CPD: variants seen among roughly 807,000 people sequenced by gnomAD.
CPD encodes the protein carboxypeptidase D, also known as metallocarboxypeptidase D.
A neutral mutation model predicts 138.3 loss-of-function variants in CPD; 69 were observed. That is an observed-to-expected ratio of 0.50 (90% CI 0.41 to 0.61). CPD has a LOEUF of 0.61. Ranked by LOEUF, CPD falls within the 20% of genes least tolerant of loss-of-function variation. The pLI, the probability that CPD is intolerant of heterozygous loss-of-function variation, is 0.00. For synonymous variants in CPD, 651 were observed against 642.1 expected (o/e 1.01, Z -0.21); for missense variants, 1,432 against 1,733.3 (o/e 0.83, Z 3.09).
chr17:30,389,217 C>G (rs1224134532), intron 2 of CPD, among the ~76,000 whole-genome samples: 1 of 152,166 alleles, frequency 6.6e-6, no homozygotes, highest in African/African-American at 2.4e-5. Flanking sequence ...CCTTCCCGCA[C>G]CTTCCGGCCT....
At chr17:30,450,191 G>A (rs1913131017) in intron 13 of CPD, 3 of 148,394 alleles carry the variant, frequency 2.0e-5, no homozygotes, top group Admixed American at 2.0e-4. Flanking sequence ...TGAGTAGCTG[G>A]GACTACAGAT....
Position 30,378,945 on chromosome 17 carries a change from C to T in CPD, c.-36C>T, listed in dbSNP as rs1910958423. 1.4e-6 allele frequency: 2 copies of T among 1,423,036 alleles called. No homozygotes were observed. The highest frequency in any genetic ancestry group is 1.5e-5 in the South Asian group (1 of 66,174). The allele number at this position is 1,423,036 out of a possible 1,614,324, so 88.2% of individuals were successfully genotyped here. On this transcript the variant is annotated 5_prime_UTR_variant, in exon 1 of 21. Coordinates refer to ENST00000225719, the MANE Select transcript of CPD (RefSeq NM_001304.5). ...CCCCGCCGCCCGGAGCGCTGAGCCGCGGGAGCGGAGCCGGGGTTAGCGGCG... is the reference window on the plus strand; with the variant it reads ...CCCCGCCGCCCGGAGCGCTGAGCCGTGGGAGCGGAGCCGGGGTTAGCGGCG...
chr17:30,438,639 A>G (rs986206703), intron 8 of CPD, among the ~76,000 whole-genome samples: 1 of 152,218 alleles, frequency 6.6e-6, no homozygotes, highest in Non-Finnish European at 1.5e-5. Flanking sequence ...GCATGAAACG[A>G]AAGTATAAAT....
At chr17:30,421,596 C>T in intron 3 of CPD, 68 bp from the exon 4 acceptor site, 2 of 1,378,588 alleles carry the variant, frequency 1.5e-6, no homozygotes. Context: ...AGTATCGGTG[C>T]AGAGAGAAAT....
chr17:30,394,235 G>A (rs1056258507), intron 2 of CPD, among the ~76,000 whole-genome samples: 1 of 148,794 alleles, frequency 6.7e-6, no homozygotes, highest in Non-Finnish European at 1.5e-5. Context: ...TCTTAGCATG[G>A]GAGCGAAGAT....
chr17:30,463,446 A>G (rs2143516775), intron 20 of CPD, among the ~76,000 whole-genome samples: 1 of 152,364 alleles, frequency 6.6e-6, no homozygotes, highest in South Asian at 2.1e-4. Context: ...TTTGCTTTAT[A>G]TTAAAGTCAT....
intron 2 of CPD, among the ~76,000 whole-genome samples, chr17:30,400,434 A>G (rs983707678): frequency 3.3e-5 from 5 of 152,030 alleles, no homozygotes; most frequent in African/African-American, 9.7e-5. Flanking sequence ...TTTACTTTCA[A>G]CTGTCATACA....
intron 17 of CPD, 89 bp downstream of exon 17, chr17:30,456,615 G>A: frequency 3.1e-6 from 4 of 1,311,296 alleles, no homozygotes; most frequent in Non-Finnish European, 4.4e-6. Flanking sequence ...GCCAAGGCAG[G>A]TGGATTTTCT....
intron 1 of CPD, among the ~76,000 whole-genome samples, chr17:30,381,592 A>G (rs924390868): frequency 1.3e-5 from 2 of 152,212 alleles, no homozygotes; most frequent in Non-Finnish European, 2.9e-5. Context: ...AATTCACTCA[A>G]AATGCGTACT....
At chr17:30,404,257 C>T (rs998078051) in intron 2 of CPD, among the ~76,000 whole-genome samples, 6 of 151,898 alleles carry the variant, frequency 4.0e-5, no homozygotes, top group South Asian at 2.1e-4. Context: ...TTTAAAGCAC[C>T]GTGTTAACTA....
At chr17:30,457,460 A>T (rs191404097) in intron 17 of CPD, among the ~76,000 whole-genome samples, 36 of 152,320 alleles carry the variant, frequency 2.4e-4, no homozygotes, top group African/African-American at 7.9e-4. Context: ...GCTGCCATGA[A>T]CATTGGTATT....
In CPD at chr17:30,421,751, CATA is replaced by C. The variant is rs1912272646; in HGVS notation, c.1229_1231del (p.Asn410del). On this transcript the variant is annotated inframe_deletion, in exon 4 of 21. Transcript: ENST00000225719. ...AACCATCTCAGTGGCTGGTATTAAT[CATA>C]ATATCACAACAGGCAGATTTGGTGA... is the stretch of plus-strand genomic sequence containing the variant. 1 of 1,612,922 alleles carries C rather than the reference CATA, an allele frequency of 6.2e-7. No homozygotes were observed. Among genetic ancestry groups the C allele is most frequent in the African/African-American group, 1.3e-5 (1 of 75,028 alleles).
At chr17:30,462,126 TTTG>T in intron 19 of CPD, 64 bp downstream of exon 19, 1 of 1,389,272 alleles carries the variant, frequency 7.2e-7, no homozygotes, top group Non-Finnish European at 9.8e-7. Context: ...TCTGTTTTAT[TTTG>T]AAACTCTTGT....
At chr17:30,431,604 T>A (rs1912566962) in intron 7 of CPD, among the ~76,000 whole-genome samples, 168 bp from the exon 8 acceptor site, 1 of 152,232 alleles carries the variant, frequency 6.6e-6, no homozygotes. Flanking sequence ...ATCTTCTCAC[T>A]TATTCACTTT....
At chr17:30,389,864 T>A (rs1911302925) in intron 2 of CPD, among the ~76,000 whole-genome samples, 1 of 152,244 alleles carries the variant, frequency 6.6e-6, no homozygotes, top group Non-Finnish European at 1.5e-5. Context: ...GGCTTATTTC[T>A]CTTCGTACCT....
At chr17:30,413,544 C>T (rs1304790378) in intron 2 of CPD, among the ~76,000 whole-genome samples, 1 of 152,172 alleles carries the variant, frequency 6.6e-6, no homozygotes, top group Non-Finnish European at 1.5e-5. Context: ...TAAGAACAAA[C>T]ATCTTAATTT....
At chr17:30,392,810 A>G (rs1911395657) in intron 2 of CPD, among the ~76,000 whole-genome samples, 1 of 152,238 alleles carries the variant, frequency 6.6e-6, no homozygotes, top group Non-Finnish European at 1.5e-5. Flanking sequence ...GGACTGGGCC[A>G]CAGATATTTA....
At chr17:30,453,245 T>C (rs1913211204) in intron 14 of CPD, among the ~76,000 whole-genome samples, 1 of 152,178 alleles carries the variant, frequency 6.6e-6, no homozygotes, top group Admixed American at 6.5e-5. Context: ...CCTCTGAGGC[T>C]GTAAAATCAA....
chr17:30,394,642 A>C (rs1464693692), intron 2 of CPD, among the ~76,000 whole-genome samples: 2 of 152,134 alleles, frequency 1.3e-5, no homozygotes, highest in Non-Finnish European at 1.5e-5. Context: ...GTCATCTGGG[A>C]TGAGGTCTCT....
Sources: gnomAD v4.1 joint callset for allele counts (sites outside exome capture counted in the v4.1 genomes callset) on GRCh38, gnomAD v4.1.1 for gene constraint, MANE v1.5 for transcripts, NCBI Gene and HGNC (gene_info 2026-07-23, HGNC 2026-07-21) for gene names.